ATP2B2: variants seen among roughly 807,000 people sequenced by gnomAD.
The protein encoded by ATP2B2 is plasma membrane calcium-transporting ATPase 2.
A neutral mutation model predicts 120.0 loss-of-function variants in ATP2B2; 15 were observed. That is an observed-to-expected ratio of 0.12 (90% CI 0.08 to 0.19). The LOEUF (loss-of-function observed/expected upper bound fraction) is 0.19. ATP2B2 is among the 10% of genes least tolerant of loss of function. ATP2B2 has a pLI of 1.00. For missense variants in ATP2B2, 1,045 were observed against 1,719.8 expected, an observed-to-expected ratio of 0.61 and a Z score of 6.94; for synonymous variants, 694 against 700.3, an observed-to-expected ratio of 0.99 and a Z score of 0.14.
chr3:10,487,942 C>A (rs1285442017), intron 1 of ATP2B2, among the ~76,000 whole-genome samples: 1 of 152,160 alleles, frequency 6.6e-6, no homozygotes, highest in African/African-American at 2.4e-5. Context: ...TGCTTCTACC[C>A]ATTCATCCAT....
chr3:10,525,393 C>CA (rs1304926241), intron 3 of ATP2B2, among the ~76,000 whole-genome samples: 1 of 152,130 alleles, frequency 6.6e-6, no homozygotes, highest in African/African-American at 2.4e-5. Flanking sequence ...TTTAGATTTA[C>CA]AAAAAAATTC....
chr3:10,557,543 G>C (rs1354962273), intron 2 of ATP2B2, among the ~76,000 whole-genome samples: 1 of 152,126 alleles, frequency 6.6e-6, no homozygotes, highest in East Asian at 1.9e-4. Flanking sequence ...CCAGGAGCTG[G>C]GGTTCCTAGA....
Position 10,379,258 on chromosome 3 carries a change from C to T in ATP2B2, c.1027G>A (p.Ala343Thr), listed in dbSNP as rs181008668. 17 of 1,613,572 alleles carry T rather than the reference C, an allele frequency of 1.1e-5. No homozygotes were observed. The highest frequency in any genetic ancestry group is 6.7e-5 in the East Asian group (3 of 44,834). Residue 343 changes from alanine to threonine, a missense_variant, in exon 9 of 23, where the codon GCC (alanine) becomes ACC (threonine). Around this residue, in one of 11 missense-constraint regions of ATP2B2, gnomAD observed 145 missense variants for 202.0 expected, o/e 0.72. Transcript: ENST00000360273. ...NGKMQDGNVD[A>T]SQSKAKQQDG... Reference sequence around the variant, plus strand: ...AAAGGGTTACCTTTGCTCTGGCTGGCGTCCACATTGCCATCCTGCATTTTA... The same window carrying T: ...AAAGGGTTACCTTTGCTCTGGCTGGTGTCCACATTGCCATCCTGCATTTTA...
At chr3:10,336,238 G>A in intron 22 of ATP2B2, 1 of 1,550,614 alleles carries the variant, frequency 6.4e-7, no homozygotes. Context: ...TGGTGACCGA[G>A]GACTGTCTCC....
At chr3:10,552,936 T>C (rs1298552376) in intron 2 of ATP2B2, among the ~76,000 whole-genome samples, 4 of 152,254 alleles carry the variant, frequency 2.6e-5, no homozygotes, top group African/African-American at 4.8e-5. Context: ...TTCTATGAAG[T>C]GGGAGCTAAC....
At chr3:10,390,216 C>T (rs1042139938) in intron 5 of ATP2B2, among the ~76,000 whole-genome samples, 2 of 152,070 alleles carry the variant, frequency 1.3e-5, no homozygotes, top group African/African-American at 4.8e-5. Context: ...CTTTTCTGTC[C>T]CCTCGAGACT....
chr3:10,359,364 T>C (rs1212092909), intron 13 of ATP2B2, among the ~76,000 whole-genome samples: 2 of 152,120 alleles, frequency 1.3e-5, no homozygotes, highest in African/African-American at 4.8e-5. Flanking sequence ...GTGATTCCAA[T>C]GTGTACCCAG....
chr3:10,515,407 C>T (rs1254661107), intron 3 of ATP2B2, among the ~76,000 whole-genome samples: 1 of 152,256 alleles, frequency 6.6e-6, no homozygotes, highest in East Asian at 1.9e-4. Flanking sequence ...CTGAAGATAT[C>T]GTTCGTTCAT....
intron 2 of ATP2B2, among the ~76,000 whole-genome samples, chr3:10,606,906 CACACACAGAGAGAGAG>C (rs752572513): frequency 7.2e-4 from 21 of 29,202 alleles, no homozygotes; most frequent in Admixed American, 1.4e-3. Context: ...CACACACACA[CACACACAGAGAGAGAG>C]AGAGAGAGAG....
At chr3:10,336,779 C>T (rs992518152) in intron 22 of ATP2B2, among the ~76,000 whole-genome samples, 1 of 152,222 alleles carries the variant, frequency 6.6e-6, no homozygotes, top group Non-Finnish European at 1.5e-5. Flanking sequence ...AGGGTCAATG[C>T]CACCTGCCTG....
intron 19 of ATP2B2, among the ~76,000 whole-genome samples, chr3:10,341,395 C>A (rs1325110194): frequency 1.3e-5 from 2 of 152,158 alleles, no homozygotes; most frequent in Admixed American, 1.3e-4. Flanking sequence ...ACTGCAACAC[C>A]CGCCTCCTGG....
intron 1 of ATP2B2, among the ~76,000 whole-genome samples, chr3:10,620,857 G>T (rs900524757): frequency 6.6e-6 from 1 of 152,168 alleles, no homozygotes; most frequent in African/African-American, 2.4e-5. Context: ...CACACAGCAG[G>T]CAGGATACCA....
chr3:10,432,187 G>A (rs893002236), intron 2 of ATP2B2, among the ~76,000 whole-genome samples: 8 of 152,246 alleles, frequency 5.3e-5, no homozygotes, highest in Non-Finnish European at 7.3e-5. Context: ...CGGGCACACT[G>A]TGCCTCAGTT....
chr3:10,360,165 G>A (rs755890503), intron 12 of ATP2B2, 42 bp from the exon 13 acceptor site: 12 of 1,546,886 alleles, frequency 7.8e-6, no homozygotes, highest in Non-Finnish European at 7.0e-6. Flanking sequence ...GGTGGGGCCT[G>A]TGTCGGGAGC....
At chr3:10,661,939 A>C (rs2125680392) in intron 1 of ATP2B2, among the ~76,000 whole-genome samples, 1 of 152,316 alleles carries the variant, frequency 6.6e-6, no homozygotes, top group Middle Eastern at 3.4e-3. Context: ...TCTCAGAAAT[A>C]ATACCACACA....
At chr3:10,585,515 A>AAAAAAAAAAAAAAAC in intron 2 of ATP2B2, among the ~76,000 whole-genome samples, 1 of 149,972 alleles carries the variant, frequency 6.7e-6, no homozygotes, top group South Asian at 2.1e-4. Context: ...AAAAAAAAAA[A>AAAAAAAAAAAAAAAC]AAGATCCAGT....
Position 10,683,760 on chromosome 3 carries a change from G to GTGTGTGTATGTA in ATP2B2, c.-460+24154_-460+24155insTACATACACACA, listed in dbSNP as rs1446781892. On this transcript the variant is annotated intron_variant, in intron 1 of 21. Coordinates refer to the ATP2B2 transcript ENST00000646379. ...TATGTGTATATATATGTGTGTGTGT[G>GTGTGTGTATGTA]TATATATATATATATATATATATAT... Among the ~76,000 whole-genome samples, 173 of 53,784 alleles carry GTGTGTGTATGTA rather than the reference G, an allele frequency of 3.2e-3. 1 individual carries two copies. Among genetic ancestry groups the GTGTGTGTATGTA allele is most frequent in the African/African-American group, 6.8e-3 (120 of 17,700 alleles). The allele number at this position is 53,784 out of a possible 152,430, so 35.3% of individuals were successfully genotyped here. A position where few individuals can be genotyped will look rare whatever the true frequency, so the allele number is the denominator to read the frequency against.
chr3:10,410,231 A>C (rs1049405967), intron 3 of ATP2B2, among the ~76,000 whole-genome samples: 3 of 151,936 alleles, frequency 2.0e-5, no homozygotes, highest in Non-Finnish European at 4.4e-5. Context: ...GATTTGTGGG[A>C]ATTTGGTACA....
intron 21 of ATP2B2, chr3:10,338,697 G>C (rs1273231063): frequency 5.7e-6 from 2 of 351,610 alleles, no homozygotes; most frequent in African/African-American, 4.3e-5. Flanking sequence ...CCCTGGTCCT[G>C]TGGCCTCGGG....
Sources: gnomAD v4.1 joint callset for allele counts (sites outside exome capture counted in the v4.1 genomes callset) on GRCh38, gnomAD v4.1.1 for gene constraint, gnomAD v4.1.1 regional missense constraint, MANE v1.5 for transcripts, NCBI Gene and HGNC (gene_info 2026-07-23, HGNC 2026-07-21) for gene names.